Variants in CEP170 observed in about 807,000 individuals in gnomAD.
CEP170 encodes the protein centrosomal protein of 170 kDa.
In CEP170, 21 loss-of-function variants were observed where a neutral mutation model predicts 151.9. The ratio of observed to expected loss-of-function variants is 0.14; its 90% CI spans 0.10 to 0.20. The LOEUF is 0.20. Ranked by LOEUF, CEP170 falls within the 10% of genes least tolerant of loss-of-function variation. The pLI is 1.00. For synonymous variants in CEP170, 356 were observed against 648.8 expected (o/e 0.55, Z 6.86); for missense variants, 964 against 1,892.9 (o/e 0.51, Z 9.11).
chr1:243,229,719 G>A (rs1357315802), intron 1 of CEP170, among the ~76,000 whole-genome samples: 2 of 152,132 alleles, frequency 1.3e-5, no homozygotes, highest in East Asian at 3.9e-4. Context: ...TTTGATTACT[G>A]AGAAACCAAT....
rs778507926 is a variant in CEP170 at position 243,211,869 on chromosome 1, A to C, written c.274+17T>G. On this transcript the variant is annotated intron_variant, in intron 4 of 19. Transcript: ENST00000366542. ...TTTGAATAAATTTAATAAGTACATA[A>C]AACCATTTAAGGATATCATATCCAA... 8.1e-6 allele frequency: 13 copies of C among 1,601,306 alleles called. No homozygotes were observed. Among genetic ancestry groups the C allele is most frequent in the Non-Finnish European group, 1.0e-5 (12 of 1,174,496 alleles).
At chr1:243,229,648 C>A (rs771473718) in intron 1 of CEP170, among the ~76,000 whole-genome samples, 1 of 152,120 alleles carries the variant, frequency 6.6e-6, no homozygotes, top group Non-Finnish European at 1.5e-5. Context: ...CTTCCTGGAG[C>A]CAGGGTACAC....
At chr1:243,221,270 G>A (rs1417440929) in intron 3 of CEP170, among the ~76,000 whole-genome samples, 3 of 152,154 alleles carry the variant, frequency 2.0e-5, no homozygotes, top group African/African-American at 7.2e-5. Flanking sequence ...TGATCCGCCC[G>A]CCTCGGCCTC....
Position 243,186,021 on chromosome 1 carries a change from A to T in CEP170, c.1324T>A (p.Leu442Ile), listed in dbSNP as rs2059915814. 1.2e-6 allele frequency: 2 copies of T among 1,613,588 alleles called. No individual in the cohort carries two copies. Among genetic ancestry groups the T allele is most frequent in the African/African-American group, 2.7e-5 (2 of 74,900 alleles). The change falls in exon 10 of 20, where the codon TTA becomes ATA. Residue 442 changes from leucine (L) to isoleucine (I), a missense_variant. Leu to Ile is a conservative substitution (Grantham distance 5). Coordinates refer to ENST00000366542, the MANE Select transcript of CEP170 (RefSeq NM_014812.3). ...GATGGCTCCTCTGATTTCTGTTTTAACAATTTCCCATGTGGAACACCATGC... is the reference window on the plus strand; with the variant it reads ...GATGGCTCCTCTGATTTCTGTTTTATCAATTTCCCATGTGGAACACCATGC... ...GGHGVPHGKL[L>I]KQKSEEPSVS... is the part of the protein sequence containing the mutation.
rs2148108813 is a variant in CEP170, at chr1:243,124,723, A to C, written c.*1726T>G. 1 of 152,714 alleles carries C rather than the reference A, an allele frequency of 6.5e-6. No individual in the cohort carries two copies. The highest frequency in any genetic ancestry group is 6.5e-5 in the Admixed American group (1 of 15,304). 9.5% of individuals were successfully genotyped at this position (152,714 alleles called of 1,614,324 possible). A position where few individuals can be genotyped will look rare whatever the true frequency, so the allele number is the denominator to read the frequency against. On this transcript the variant is annotated 3_prime_UTR_variant, in exon 20 of 20. Transcript: ENST00000366542. ...GGAGCAATGCTGATTATTTTGTCCAACTTTTTCTTCAAATGGATTGACCCT... is the reference window on the plus strand; with the variant it reads ...GGAGCAATGCTGATTATTTTGTCCACCTTTTTCTTCAAATGGATTGACCCT...
chr1:243,156,222 T>C lies in CEP170; in HGVS notation c.3910A>G (p.Arg1304Gly), dbSNP rs1413359447. The C allele has an allele frequency of 6.3e-7, 1 of 1,578,754 alleles. No individual in the cohort carries two copies. Among genetic ancestry groups the C allele is most frequent in the Non-Finnish European group, 8.6e-7 (1 of 1,161,968 alleles). Residue 1304 changes from arginine (R) to glycine (G), a missense_variant and splice_region_variant, in exon 14 of 20, where the codon AGG becomes GGG. Coordinates refer to ENST00000366542, the MANE Select transcript of CEP170 (RefSeq NM_014812.3). The part of the protein sequence containing the change: ...DWTAHREEIA[R>G]ISQDLALIAR... The stretch of plus-strand genomic sequence containing the variant: ...TAAAGATAAGTCCTGAAAACCAACC[T>C]GGCTATCTCTTCTCGATGAGCAGTC...
intron 16 of CEP170, 43 bp downstream of exon 16, chr1:243,139,891 GGAA>G (rs2055620422): frequency 6.3e-7 from 1 of 1,584,406 alleles, no homozygotes; most frequent in South Asian, 1.1e-5. Flanking sequence ...TCTTACTTAT[GGAA>G]TATGCTGCTT....
Position 243,170,622 on chromosome 1 carries a change from C to T in CEP170, c.1717-868G>A, listed in dbSNP as rs553245212. 5.3e-5 allele frequency among the ~76,000 whole-genome samples: 8 copies of T among 151,864 alleles called. 1 individual carries two copies. The South Asian group carries it at 6.2e-4, about 12-fold the overall frequency. On this transcript the variant is annotated intron_variant, in intron 11 of 19. Transcript: ENST00000366542. ...CAGCCTGGCCAACATGGCGAAACCTCGTCTCTACGAAAAACACAAAAATTA... is the reference window on the plus strand; with the variant it reads ...CAGCCTGGCCAACATGGCGAAACCTTGTCTCTACGAAAAACACAAAAATTA...
rs2059882593 is a variant in CEP170, at chr1:243,185,443, T to G, written c.1566+336A>C. On this transcript the variant is annotated intron_variant, in intron 10 of 19. Transcript: ENST00000366542. This position sits in a 1 kb window ranked among gnomAD's most constrained non-coding sequence, Gnocchi z 4.9. ...TTAACAGAGTTATAGCAATGTTTGT[T>G]GGTTGTTTCTTTTTATTTTTTAAGC... 6.6e-6 allele frequency among the ~76,000 whole-genome samples: 1 copy of G among 152,242 alleles called. No individual in the cohort carries two copies. The highest frequency in any genetic ancestry group is 6.5e-5 in the Admixed American group (1 of 15,288).
At chr1:243,178,619 A>G (rs919316525) in intron 10 of CEP170, among the ~76,000 whole-genome samples, 1 of 152,170 alleles carries the variant, frequency 6.6e-6, no homozygotes, top group Non-Finnish European at 1.5e-5. Flanking sequence ...CTGTGAATGT[A>G]CTAAAAGCCA....
At chr1:243,192,670 G>A (rs1411765644) in intron 7 of CEP170, among the ~76,000 whole-genome samples, 1 of 152,240 alleles carries the variant, frequency 6.6e-6, no homozygotes, top group Non-Finnish European at 1.5e-5. Context: ...ATTAAGTGAA[G>A]CGTTTGGTCT....
Position 243,166,121 on chromosome 1 carries a change from G to T in CEP170, c.1844-5C>A, listed in dbSNP as rs1439049431. ...CAGACTCACTGATCTCTGTCTCTAT[G>T]AAATAAAAACCACAAAGAAGGAATT... On this transcript the variant is annotated splice_polypyrimidine_tract_variant and splice_region_variant and intron_variant, in intron 12 of 19. Coordinates refer to ENST00000366542, the MANE Select transcript of CEP170 (RefSeq NM_014812.3). 1.9e-6 allele frequency: 3 copies of T among 1,609,694 alleles called. No homozygotes were observed. The highest frequency in any genetic ancestry group is 2.5e-6 in the Non-Finnish European group (3 of 1,177,834).
chr1:243,176,933 A>G, intron 10 of CEP170: 1 of 339,016 alleles, frequency 2.9e-6, no homozygotes, highest in Non-Finnish European at 5.8e-6. Flanking sequence ...CAGATAACAA[A>G]CTCGTACAAT....
intron 10 of CEP170, among the ~76,000 whole-genome samples, chr1:243,179,714 T>G (rs1392908489): frequency 6.6e-6 from 1 of 152,214 alleles, no homozygotes; most frequent in African/African-American, 2.4e-5. Context: ...GTCACAAATT[T>G]TTCTTTCTCA....
intron 7 of CEP170, among the ~76,000 whole-genome samples, 180 bp from the exon 8 acceptor site, chr1:243,191,674 A>G (rs1470759005): frequency 6.6e-6 from 1 of 152,132 alleles, no homozygotes; most frequent in African/African-American, 2.4e-5. Context: ...TCTTGATTAT[A>G]AACATGCGAT....
chr1:243,175,086 C>G (rs2993724), intron 10 of CEP170: 1 of 152,152 alleles, frequency 6.6e-6, no homozygotes. Context: ...ATGAATATTT[C>G]ATTCTAATCC....
chr1:243,170,615 G>A (rs1250020979), intron 11 of CEP170, among the ~76,000 whole-genome samples: 5 of 152,160 alleles, frequency 3.3e-5, no homozygotes, highest in Admixed American at 6.5e-5. Flanking sequence ...CCAACATGGC[G>A]AAACCTCGTC....
intron 4 of CEP170, 30 bp from the exon 5 acceptor site, chr1:243,200,865 C>G: frequency 1.3e-6 from 2 of 1,584,784 alleles, no homozygotes; most frequent in South Asian, 1.2e-5. Flanking sequence ...AATATAACCT[C>G]AAATTTCTGA....
At chr1:243,138,964 C>A (rs980425005) in intron 16 of CEP170, among the ~76,000 whole-genome samples, 2 of 152,186 alleles carry the variant, frequency 1.3e-5, no homozygotes, top group East Asian at 3.8e-4. Flanking sequence ...TACCTTTCCT[C>A]CAATACTTAA....
Sources: allele counts gnomAD v4.1 joint callset (sites outside exome capture counted in the v4.1 genomes callset), GRCh38; gene constraint gnomAD v4.1.1; non-coding constraint Gnocchi (gnomAD v3.1); transcripts MANE v1.5; gene names NCBI Gene and HGNC (gene_info 2026-07-23, HGNC 2026-07-21).